The following RREB1 variants were observed in gnomAD, a reference collection of about 807,000 sequenced individuals.
The protein encoded by RREB1 is ras-responsive element-binding protein 1.
In RREB1, 27 loss-of-function variants were observed where a neutral mutation model predicts 117.8. The ratio of observed to expected loss-of-function variants is 0.23; its 90% CI spans 0.17 to 0.32. RREB1 has a LOEUF of 0.32. RREB1 is among the 10% of genes least tolerant of loss of function. The pLI is 1.00. For missense variants in RREB1, 2,577 were observed against 2,378.2 expected, an observed-to-expected ratio of 1.08 and a Z score of -1.74; for synonymous variants, 1,298 against 1,026.7, an observed-to-expected ratio of 1.26 and a Z score of -5.05.
At chr6:7,240,386 A>G (rs1423126289) in intron 10 of RREB1, 52 bp from the exon 11 acceptor site, 17 of 1,497,570 alleles carry the variant, frequency 1.1e-5, no homozygotes, top group Middle Eastern at 3.5e-4. Context: ...CGACTTTTCT[A>G]TTTCATTGCA....
Position 7,248,801 on chromosome 6 carries a change from G to T in RREB1, c.5062G>T (p.Glu1688Ter). 6.2e-7 allele frequency: 1 copy of T among 1,613,980 alleles called. No individual in the cohort carries two copies. Among genetic ancestry groups the T allele is most frequent in the Non-Finnish European group, 8.5e-7 (1 of 1,179,958 alleles). ...ASATKDCSHREEKVTAGWPSE... is the reference protein window; with the variant it reads ...ASATKDCSHR ...TGCCACCAAGGACTGCAGCCACAGGGAGGAGAAGGTCACGGCAGGGTGGCC... is the reference window on the plus strand; with the variant it reads ...TGCCACCAAGGACTGCAGCCACAGGTAGGAGAAGGTCACGGCAGGGTGGCC... The change falls in exon 13 of 13, where the codon GAG (glutamate) becomes TAG (stop). Residue 1688 changes from glutamate to a stop codon, truncating the protein, a stop_gained. Transcript: ENST00000379938. LOFTEE classifies it high-confidence loss of function.
chr6:7,232,501 G>A (rs1056052002), intron 10 of RREB1, among the ~76,000 whole-genome samples: 1 of 152,156 alleles, frequency 6.6e-6, no homozygotes, highest in African/African-American at 2.4e-5. Context: ...ATGAGTGGTG[G>A]TAGAATGTTT....
intron 6 of RREB1, among the ~76,000 whole-genome samples, chr6:7,203,885 G>T (rs938012539): frequency 1.3e-5 from 2 of 152,196 alleles, no homozygotes; most frequent in Non-Finnish European, 2.9e-5. Context: ...ATAAACGTCA[G>T]TATCAGCCGC....
chr6:7,167,953 G>A (rs935274308), intron 1 of RREB1, among the ~76,000 whole-genome samples: 1 of 151,822 alleles, frequency 6.6e-6, no homozygotes. Context: ...GGATTTCCAG[G>A]CCAAAATTTA....
At chr6:7,244,844 T>C (rs958474616) in intron 11 of RREB1, among the ~76,000 whole-genome samples, 7 of 152,152 alleles carry the variant, frequency 4.6e-5, no homozygotes, top group Non-Finnish European at 7.3e-5. Flanking sequence ...CAGAACCAGC[T>C]CCTTACCCCA....
chr6:7,226,793 T>A, intron 9 of RREB1, 137 bp downstream of exon 9: 1 of 693,556 alleles, frequency 1.4e-6, no homozygotes. Context: ...TAACACCTTT[T>A]TTCTTAAAAT....
At chr6:7,179,083 A>AT (rs1764654110) in intron 2 of RREB1, among the ~76,000 whole-genome samples, 1 of 152,184 alleles carries the variant, frequency 6.6e-6, no homozygotes, top group African/African-American at 2.4e-5. Context: ...TTTAGTGAAT[A>AT]TATTTTTTTC....
chr6:7,229,660 A>G lies in RREB1; in HGVS notation c.1561A>G (p.Thr521Ala). The G allele has an allele frequency of 1.2e-6, 2 of 1,608,956 alleles. No individual in the cohort carries two copies. The highest frequency in any genetic ancestry group is 1.7e-6 in the Non-Finnish European group (2 of 1,178,154). ...GGTCACACCACGGACGGTGGTGGCC[A>G]CCTCCACGCCCCCGCCTCTCATCAA... The part of the protein sequence containing the change: ...PLVTPRTVVA[T>A]STPPPLINAQ... The change falls in exon 10 of 13, where the codon ACC becomes GCC. Residue 521 changes from threonine (T) to alanine (A), a missense_variant. By Grantham distance (58) the Thr-to-Ala change is moderately conservative (BLOSUM62 0). Coordinates refer to ENST00000379938, the MANE Select transcript of RREB1 (RefSeq NM_001003699.4). The surrounding 1 kb of genome is among the most constrained non-coding windows in gnomAD (Gnocchi z 4.5).
intron 1 of RREB1, among the ~76,000 whole-genome samples, chr6:7,112,883 G>A (rs984804465): frequency 2.0e-5 from 3 of 152,196 alleles, no homozygotes; most frequent in Admixed American, 6.5e-5. Flanking sequence ...GAGTGTAGCT[G>A]GGGATTGCAC....
At chr6:7,187,826 A>G (rs1765166397) in intron 5 of RREB1, 1 of 168,074 alleles carries the variant, frequency 5.9e-6, no homozygotes, top group African/African-American at 2.4e-5. Flanking sequence ...ACTTTTGTAT[A>G]TGCATATTCC....
At position 7,203,122 on chromosome 6, in the gene RREB1, G is replaced by A. The variant is rs539488677; in HGVS notation, c.426-7682G>A. 3.9e-5 allele frequency among the ~76,000 whole-genome samples: 6 copies of A among 152,278 alleles called. No individual in the cohort carries two copies. The South Asian group carries it at 1.0e-3, about 26-fold the overall frequency. ...GTCTAGAGTAAAAGATTTTTAAAAG[G>A]TTAGTGCTGGTTCATGTGGACTGCC... is the stretch of plus-strand genomic sequence containing the variant. On this transcript the variant is annotated intron_variant, in intron 6 of 12. Coordinates refer to ENST00000379938, the MANE Select transcript of RREB1 (RefSeq NM_001003699.4).
intron 1 of RREB1, among the ~76,000 whole-genome samples, chr6:7,108,973 GGTGA>G (rs1444761245): frequency 3.3e-5 from 5 of 151,388 alleles, no homozygotes; most frequent in Admixed American, 6.6e-5. Flanking sequence ...CCGTTGGCGG[GGTGA>G]GTGTTTTCGT....
At chr6:7,159,318 C>A (rs1763535151) in intron 1 of RREB1, among the ~76,000 whole-genome samples, 2 of 152,212 alleles carry the variant, frequency 1.3e-5, no homozygotes, top group South Asian at 4.2e-4. Flanking sequence ...TCTTTGATGG[C>A]CTAGATGTGT....
chr6:7,222,014 C>T (rs544753068), intron 8 of RREB1, among the ~76,000 whole-genome samples: 1 of 152,248 alleles, frequency 6.6e-6, no homozygotes, highest in Non-Finnish European at 1.5e-5. Flanking sequence ...GCAGAGATCC[C>T]CCCGTTTTAG....
intron 6 of RREB1, among the ~76,000 whole-genome samples, chr6:7,190,803 A>G (rs150963075): frequency 6.6e-6 from 1 of 152,138 alleles, no homozygotes; most frequent in Non-Finnish European, 1.5e-5. Flanking sequence ...TTTGTCCTTT[A>G]CATATTTGCC....
chr6:7,124,167 T>C (rs572880517), intron 1 of RREB1, among the ~76,000 whole-genome samples: 70 of 152,322 alleles, frequency 4.6e-4, no homozygotes, highest in African/African-American at 1.6e-3. Context: ...GTTCTTGATA[T>C]AGATGTGGCA....
intron 1 of RREB1, among the ~76,000 whole-genome samples, chr6:7,174,489 G>C (rs9505062): frequency 4.0e-5 from 6 of 151,814 alleles, no homozygotes; most frequent in Admixed American, 3.9e-4. Flanking sequence ...TAAAATGAAG[G>C]GAAATAAAAT....
At chr6:7,199,625 T>A (rs917831851) in intron 6 of RREB1, among the ~76,000 whole-genome samples, 1 of 152,110 alleles carries the variant, frequency 6.6e-6, no homozygotes, top group Middle Eastern at 3.2e-3. Flanking sequence ...TATATATGTG[T>A]GTGTGCTTGG....
intron 1 of RREB1, among the ~76,000 whole-genome samples, chr6:7,150,949 C>T (rs933577685): frequency 1.8e-4 from 27 of 152,174 alleles, no homozygotes; most frequent in African/African-American, 5.6e-4. Flanking sequence ...AGCATCCAGG[C>T]GTGGATTTGA....
Sources: allele counts gnomAD v4.1 joint callset (sites outside exome capture counted in the v4.1 genomes callset), GRCh38; gene constraint gnomAD v4.1.1; non-coding constraint Gnocchi (gnomAD v3.1); transcripts MANE v1.5; gene names NCBI Gene and HGNC (gene_info 2026-07-23, HGNC 2026-07-21).